The following CACNA2D3 variants were observed in gnomAD, a reference collection of about 807,000 sequenced individuals.
CACNA2D3 encodes calcium voltage-gated channel auxiliary subunit alpha2delta 3, also known as voltage-dependent calcium channel subunit alpha-2/delta-3.
In CACNA2D3, 60 loss-of-function variants were observed where a neutral mutation model predicts 160.6. The observed-to-expected ratio is 0.37, with a 90% CI of 0.30 to 0.46. The LOEUF (loss-of-function observed/expected upper bound fraction) is 0.46, where lower values mean the gene tolerates loss of function less well. Ranked by LOEUF, CACNA2D3 falls within the 20% of genes least tolerant of loss-of-function variation. The probability of loss-of-function intolerance (pLI) is 1.00; values close to 1 mark genes in which losing one functional copy is unlikely to be tolerated. For missense variants in CACNA2D3, 1,205 were observed against 1,365.0 expected, an observed-to-expected ratio of 0.88 and a Z score of 1.85; for synonymous variants, 558 against 492.9, an observed-to-expected ratio of 1.13 and a Z score of -1.75.
chr3:54,282,175 T>C (rs976353329), intron 2 of CACNA2D3, among the ~76,000 whole-genome samples: 2 of 152,184 alleles, frequency 1.3e-5, no homozygotes, highest in Non-Finnish European at 2.9e-5. Context: ...AAAAAAAATA[T>C]TAAGCTAGGG....
At chr3:54,298,452 T>G (rs1364160023) in intron 2 of CACNA2D3, among the ~76,000 whole-genome samples, 3 of 152,200 alleles carry the variant, frequency 2.0e-5, no homozygotes, top group Non-Finnish European at 4.4e-5. Flanking sequence ...CGAGAGTTAT[T>G]AGTACTTTGC....
At chr3:55,057,140 C>T (rs1304724536) in intron 35 of CACNA2D3, among the ~76,000 whole-genome samples, 1 of 152,072 alleles carries the variant, frequency 6.6e-6, no homozygotes. Context: ...AGTGAATAGC[C>T]ACTATGTAAG....
chr3:54,836,321 G>A (rs901176316), intron 14 of CACNA2D3, among the ~76,000 whole-genome samples: 1 of 147,346 alleles, frequency 6.8e-6, no homozygotes, highest in Non-Finnish European at 1.5e-5. Context: ...TGCAAGCTCC[G>A]TTTCCCGGGT....
intron 3 of CACNA2D3, among the ~76,000 whole-genome samples, chr3:54,355,688 G>A (rs1001884942): frequency 3.9e-5 from 6 of 152,296 alleles, no homozygotes; most frequent in South Asian, 4.1e-4. Context: ...AAAAGATGCC[G>A]TTGGATCTGT....
At chr3:54,661,471 C>T (rs976729555) in intron 11 of CACNA2D3, among the ~76,000 whole-genome samples, 1 of 152,078 alleles carries the variant, frequency 6.6e-6, no homozygotes, top group African/African-American at 2.4e-5. Flanking sequence ...TGTGTTTCGT[C>T]TCCACAGAAT....
At chr3:54,948,263 T>G (rs1194308667) in intron 27 of CACNA2D3, among the ~76,000 whole-genome samples, 3 of 152,220 alleles carry the variant, frequency 2.0e-5, no homozygotes, top group Admixed American at 1.3e-4. Context: ...CCATTCCAGG[T>G]GACCTCTTGA....
intron 11 of CACNA2D3, among the ~76,000 whole-genome samples, chr3:54,674,679 T>G (rs765830088): frequency 3.3e-5 from 5 of 149,712 alleles, no homozygotes; most frequent in Non-Finnish European, 7.4e-5. Context: ...GAGTGAGCCT[T>G]GGAATCTGAG....
chr3:54,568,609 T>A (rs1035862794), intron 6 of CACNA2D3, among the ~76,000 whole-genome samples: 2 of 152,234 alleles, frequency 1.3e-5, no homozygotes, highest in African/African-American at 2.4e-5. Flanking sequence ...ATTTTTAAAT[T>A]AATTGCATTC....
At chr3:54,393,203 G>A (rs561067067) in intron 4 of CACNA2D3, among the ~76,000 whole-genome samples, 33 of 152,218 alleles carry the variant, frequency 2.2e-4, no homozygotes, top group Admixed American at 5.9e-4. Context: ...GAAGACTGCC[G>A]GAAGCACCCA....
In CACNA2D3 at chr3:54,297,664, A is replaced by C. The variant is rs530958357; in HGVS notation, c.205-22778A>C. ...GGTTCATAACCTGTTCCATCTTCTC[A>C]AATCAGGGTGCTTTGTGTTTTAATG... is the stretch of plus-strand genomic sequence containing the variant. On this transcript the variant is annotated intron_variant, in intron 2 of 37. Coordinates refer to ENST00000474759, the MANE Select transcript of CACNA2D3 (RefSeq NM_018398.3). Among the ~76,000 whole-genome samples, 6 of 151,792 alleles carry C rather than the reference A, an allele frequency of 4.0e-5. No individual in the cohort carries two copies. The South Asian group carries it at 1.3e-3, about 32-fold the overall frequency.
intron 5 of CACNA2D3, among the ~76,000 whole-genome samples, chr3:54,523,316 T>G (rs1701676047): frequency 6.6e-6 from 1 of 152,168 alleles, no homozygotes; most frequent in Middle Eastern, 3.2e-3. Flanking sequence ...GGCTTTTGTT[T>G]TTTGTTCTAT....
chr3:54,997,374 A>G (rs1702881666), intron 31 of CACNA2D3, among the ~76,000 whole-genome samples: 1 of 152,062 alleles, frequency 6.6e-6, no homozygotes, highest in South Asian at 2.1e-4. Context: ...AATATTGCAG[A>G]TAGGAGGTGA....
At chr3:54,516,508 C>T (rs1205739539) in intron 5 of CACNA2D3, among the ~76,000 whole-genome samples, 1 of 152,176 alleles carries the variant, frequency 6.6e-6, no homozygotes, top group Non-Finnish European at 1.5e-5. Flanking sequence ...ATTTGCATGT[C>T]TCCATAGGCA....
intron 17 of CACNA2D3, among the ~76,000 whole-genome samples, chr3:54,859,557 AC>A (rs1699239883): frequency 6.6e-6 from 1 of 152,040 alleles, no homozygotes; most frequent in African/African-American, 2.4e-5. Flanking sequence ...GATGGAGTCT[AC>A]CCCGTGCCTG....
At chr3:54,719,490 T>A (rs1410246431) in intron 11 of CACNA2D3, among the ~76,000 whole-genome samples, 2 of 152,060 alleles carry the variant, frequency 1.3e-5, no homozygotes, top group African/African-American at 4.8e-5. Context: ...AACTTTACAT[T>A]CGTGGTATAA....
chr3:54,366,660 C>A (rs1698833083), intron 3 of CACNA2D3, among the ~76,000 whole-genome samples: 1 of 152,154 alleles, frequency 6.6e-6, no homozygotes, highest in Non-Finnish European at 1.5e-5. Flanking sequence ...ACTGAAAAAC[C>A]AGCAGAGAAA....
At chr3:54,846,604 T>C (rs1032025999) in intron 17 of CACNA2D3, 137 bp downstream of exon 17, 4 of 575,624 alleles carry the variant, frequency 6.9e-6, no homozygotes, top group African/African-American at 1.9e-5. Context: ...AAGATTGTTA[T>C]AGAGTTTATA....
intron 2 of CACNA2D3, among the ~76,000 whole-genome samples, chr3:54,291,987 T>C (rs1703218545): frequency 1.3e-5 from 2 of 152,170 alleles, no homozygotes; most frequent in Admixed American, 1.3e-4. Context: ...CAACATTAGT[T>C]TGATGGAAAG....
At chr3:54,137,490 G>T (rs555322813) in intron 2 of CACNA2D3, among the ~76,000 whole-genome samples, 74 of 152,314 alleles carry the variant, frequency 4.9e-4, no homozygotes, top group African/African-American at 1.7e-3. Flanking sequence ...ATAAAAGCCT[G>T]CTCCTAATCT....
Sources: gnomAD v4.1 joint callset for allele counts (sites outside exome capture counted in the v4.1 genomes callset) on GRCh38, gnomAD v4.1.1 for gene constraint, MANE v1.5 for transcripts, NCBI Gene and HGNC (gene_info 2026-07-23, HGNC 2026-07-21) for gene names.